The following KCNK2 variants were observed in gnomAD, a reference collection of about 807,000 sequenced individuals.
KCNK2 encodes the protein potassium channel subfamily K member 2.
In KCNK2, 21 loss-of-function variants were observed where a neutral mutation model predicts 40.5. The observed-to-expected ratio is 0.52, with a 90% confidence interval of 0.37 to 0.75. The LOEUF is 0.75. Ranked by LOEUF, KCNK2 falls within the 30% of genes least tolerant of loss-of-function variation. The pLI, the probability that KCNK2 is intolerant of heterozygous loss-of-function variation, is 0.00. For missense variants in KCNK2, 399 were observed against 531.6 expected, an observed-to-expected ratio of 0.75 and a Z score of 2.45; for synonymous variants, 191 against 202.2, an observed-to-expected ratio of 0.94 and a Z score of 0.47.
chr1:215,097,504 T>A (rs5780814), intron 2 of KCNK2, among the ~76,000 whole-genome samples: 16,411 of 42,820 alleles, frequency 0.38, 2,944 homozygotes, highest in African/African-American at 0.54. Flanking sequence ...TAAAGAAAAA[T>A]TTTTTTTTGG....
chr1:215,097,158 G>A (rs186504112), intron 2 of KCNK2, among the ~76,000 whole-genome samples: 12 of 151,978 alleles, frequency 7.9e-5, no homozygotes, highest in Non-Finnish European at 8.8e-5. Flanking sequence ...GTGGATAATG[G>A]TAAAATTTAA....
At chr1:215,221,704 C>A (rs1028141690) in intron 6 of KCNK2, among the ~76,000 whole-genome samples, 2 of 152,112 alleles carry the variant, frequency 1.3e-5, no homozygotes, top group Non-Finnish European at 2.9e-5. Flanking sequence ...ACAAAATCCA[C>A]ATATAAGTAG....
Position 215,235,572 on chromosome 1 carries a change from G to A in KCNK2, c.*427G>A, listed in dbSNP as rs1325926990. The A allele has an allele frequency of 6.5e-6, 1 of 155,020 alleles. No individual in the cohort carries two copies. Among genetic ancestry groups the A allele is most frequent in the African/African-American group, 2.4e-5 (1 of 41,336 alleles). 9.6% of individuals were successfully genotyped at this position (155,020 alleles called of 1,614,324 possible). A position where few individuals can be genotyped will look rare whatever the true frequency, so the allele number is the denominator to read the frequency against. On this transcript the variant is annotated 3_prime_UTR_variant, in exon 7 of 7. Coordinates refer to ENST00000444842, the MANE Select transcript of KCNK2 (RefSeq NM_001017425.3). ...TGACAACAATTTTTTTTTTGTAAAT[G>A]ACAAGAAATTCTTATGCAGCCTTTT...
chr1:215,141,323 C>G (rs984979196), intron 3 of KCNK2, among the ~76,000 whole-genome samples: 1 of 152,006 alleles, frequency 6.6e-6, no homozygotes, highest in African/African-American at 2.4e-5. Context: ...CATAATTGTA[C>G]GTGCTGTACT....
At chr1:215,037,002 C>CTTTTTTTTTT (rs3033912) in intron 1 of KCNK2, among the ~76,000 whole-genome samples, 1 of 125,842 alleles carries the variant, frequency 7.9e-6, no homozygotes, top group African/African-American at 3.0e-5. Flanking sequence ...CCTTTTATTC[C>CTTTTTTTTTT]TTTTTTTTTT....
chr1:215,218,966 A>C (rs116424020), intron 6 of KCNK2, among the ~76,000 whole-genome samples: 124 of 152,330 alleles, frequency 8.1e-4, no homozygotes, highest in African/African-American at 3.0e-3. Context: ...GCTCTCACTA[A>C]ACATTAATAA....
At chr1:215,214,760 AG>A (rs1490130959) in intron 6 of KCNK2, among the ~76,000 whole-genome samples, 1 of 152,216 alleles carries the variant, frequency 6.6e-6, no homozygotes, top group South Asian at 2.1e-4. Context: ...CGGGAGGTCG[AG>A]GTTGCAAGGA....
intron 3 of KCNK2, among the ~76,000 whole-genome samples, chr1:215,166,277 G>A (rs1663443679): frequency 6.6e-6 from 1 of 152,052 alleles, no homozygotes; most frequent in Non-Finnish European, 1.5e-5. Context: ...CCGATGCAGA[G>A]GGACCATGAA....
intron 3 of KCNK2, among the ~76,000 whole-genome samples, chr1:215,136,965 C>T (rs1571653616): frequency 6.6e-6 from 1 of 152,050 alleles, no homozygotes; most frequent in Non-Finnish European, 1.5e-5. Context: ...ACTGTGTCTT[C>T]TTAACTTTAT....
chr1:215,187,833 C>A (rs1311846419), intron 5 of KCNK2, among the ~76,000 whole-genome samples: 2 of 142,024 alleles, frequency 1.4e-5, no homozygotes, highest in African/African-American at 5.5e-5. Context: ...CAGAGCAAGA[C>A]CCTGTCTCAA....
intron 1 of KCNK2, among the ~76,000 whole-genome samples, chr1:215,084,203 C>T (rs962671736): frequency 3.8e-4 from 49 of 129,678 alleles, no homozygotes; most frequent in Middle Eastern, 4.1e-3. Flanking sequence ...CACACACACA[C>T]ACACACACAC....
chr1:215,168,183 G>A (rs1283685956), intron 3 of KCNK2, among the ~76,000 whole-genome samples: 2 of 152,178 alleles, frequency 1.3e-5, no homozygotes, highest in Non-Finnish European at 2.9e-5. Flanking sequence ...ATGCTAGTCA[G>A]AATGGCGATT....
intron 1 of KCNK2, among the ~76,000 whole-genome samples, chr1:215,039,408 A>T (rs988104127): frequency 1.3e-5 from 2 of 152,142 alleles, no homozygotes; most frequent in African/African-American, 4.8e-5. Context: ...ACTTCGGAGA[A>T]TCTTTTTTCT....
chr1:215,075,783 C>G (rs916817235), intron 1 of KCNK2, among the ~76,000 whole-genome samples: 4 of 152,172 alleles, frequency 2.6e-5, no homozygotes, highest in Non-Finnish European at 5.9e-5. Flanking sequence ...TCAGCACTGC[C>G]CAGTTTCTCA....
At chr1:215,058,250 G>C (rs1658237404) in intron 1 of KCNK2, among the ~76,000 whole-genome samples, 1 of 152,074 alleles carries the variant, frequency 6.6e-6, no homozygotes, top group Non-Finnish European at 1.5e-5. Context: ...CCTCATGTTT[G>C]TGACTTTTTC....
In KCNK2 at chr1:215,133,574, C is replaced by T. The variant is rs549975523; in HGVS notation, c.475+8824C>T. The stretch of plus-strand genomic sequence containing the variant: ...GGAATGTGGCAATGTTCAGGCCTGT[C>T]TACTTTCAGCTGGTAATTAGGCTGC... On this transcript the variant is annotated intron_variant, in intron 3 of 6. Coordinates refer to ENST00000444842, the MANE Select transcript of KCNK2 (RefSeq NM_001017425.3). 2.7e-5 allele frequency among the ~76,000 whole-genome samples: 4 copies of T among 150,136 alleles called. No individual in the cohort carries two copies. In the South Asian group the frequency reaches 8.4e-4, roughly 32 times the overall value.
At chr1:215,062,170 C>G (rs1033290711) in intron 1 of KCNK2, among the ~76,000 whole-genome samples, 4 of 152,020 alleles carry the variant, frequency 2.6e-5, no homozygotes, top group Non-Finnish European at 5.9e-5. Flanking sequence ...ATTGTCTAAG[C>G]CTGTTCAAAA....
At chr1:215,098,508 G>A (rs1006230596) in intron 2 of KCNK2, among the ~76,000 whole-genome samples, 5 of 151,802 alleles carry the variant, frequency 3.3e-5, no homozygotes, top group African/African-American at 7.3e-5. Context: ...TTAATTAAAC[G>A]TCGAATATAT....
intron 1 of KCNK2, among the ~76,000 whole-genome samples, chr1:215,073,795 G>A (rs530060817): frequency 6.6e-6 from 1 of 152,288 alleles, no homozygotes; most frequent in Non-Finnish European, 1.5e-5. Flanking sequence ...GAGATACTGA[G>A]TGAAATGGCT....
Sources: allele counts gnomAD v4.1 joint callset (sites outside exome capture counted in the v4.1 genomes callset), GRCh38; gene constraint gnomAD v4.1.1; transcripts MANE v1.5; gene names NCBI Gene and HGNC (gene_info 2026-07-23, HGNC 2026-07-21).